Variants in FGF1 observed in about 807,000 individuals in gnomAD.
FGF1 encodes beta-endothelial cell growth factor.
FGF1 carries 9 observed loss-of-function variants against 13.4 expected under a neutral mutation model. The observed-to-expected ratio is 0.67, with a 90% CI of 0.40 to 1.17. The LOEUF (loss-of-function observed/expected upper bound fraction) is 1.17, where lower values mean the gene tolerates loss of function less well. Among genes scored for constraint, FGF1 ranks in the 50% most tolerant of loss-of-function variants. FGF1 has a pLI of 0.01. For missense variants in FGF1, 156 were observed against 192.7 expected, an observed-to-expected ratio of 0.81 and a Z score of 1.13; for synonymous variants, 93 against 79.0, an observed-to-expected ratio of 1.18 and a Z score of -0.94.
chr5:142,603,643 T>C (rs980972823), intron 2 of FGF1, among the ~76,000 whole-genome samples: 4 of 152,132 alleles, frequency 2.6e-5, no homozygotes, highest in Non-Finnish European at 4.4e-5. Flanking sequence ...TGGGCTAATA[T>C]TGGCAGAGAT....
intron 1 of FGF1, among the ~76,000 whole-genome samples, chr5:142,665,701 A>T (rs1394765298): frequency 6.6e-6 from 1 of 152,054 alleles, no homozygotes; most frequent in Admixed American, 6.5e-5. Context: ...AATAGCTCAC[A>T]CACTTAGAGC....
intron 3 of FGF1, among the ~76,000 whole-genome samples, chr5:142,596,212 GTAATCACAACACTT>G: frequency 1.3e-5 from 2 of 152,252 alleles, no homozygotes; most frequent in Non-Finnish European, 2.9e-5. Context: ...GCTCATGCCT[GTAATCACAACACTT>G]TGGGAGGCTG....
chr5:142,685,934 A>G (rs918263198), intron 1 of FGF1, 23 bp downstream of exon 1: 15 of 152,090 alleles, frequency 9.9e-5, no homozygotes, highest in African/African-American at 3.6e-4. Context: ...TCTGTTTCCC[A>G]GATCAGATGC....
At chr5:142,606,617 A>G (rs10051247) in intron 2 of FGF1, among the ~76,000 whole-genome samples, 12,267 of 152,212 alleles carry the variant, frequency 0.081, 851 homozygotes, top group East Asian at 0.18. Flanking sequence ...GCGAGATTCC[A>G]TCTCAAGAAA....
At chr5:142,696,740 T>TAG (rs1218918677) in intron 2 of FGF1, among the ~76,000 whole-genome samples, 24 of 152,304 alleles carry the variant, frequency 1.6e-4, no homozygotes, top group African/African-American at 5.5e-4. Context: ...AAAATCCTCT[T>TAG]TTTGCCTAAA....
intron 2 of FGF1, among the ~76,000 whole-genome samples, chr5:142,610,430 G>A (rs560282004): frequency 3.3e-4 from 51 of 152,244 alleles, no homozygotes; most frequent in African/African-American, 1.1e-3. Flanking sequence ...ATAACCCTGA[G>A]GACAGCTGCA....
At chr5:142,697,804 G>C (rs1031985847) in intron 1 of FGF1, 3 of 151,766 alleles carry the variant, frequency 2.0e-5, no homozygotes, top group African/African-American at 4.9e-5. Context: ...TGGAGCGAAG[G>C]CTGTTGGATC....
At chr5:142,642,623 C>G (rs545939563) in intron 1 of FGF1, among the ~76,000 whole-genome samples, 1 of 152,230 alleles carries the variant, frequency 6.6e-6, no homozygotes, top group Non-Finnish European at 1.5e-5. Flanking sequence ...TGAACAACAG[C>G]AGCCACCAAA....
intron 1 of FGF1, among the ~76,000 whole-genome samples, chr5:142,620,591 TA>T (rs1489048958): frequency 6.6e-6 from 1 of 152,024 alleles, no homozygotes; most frequent in Non-Finnish European, 1.5e-5. Flanking sequence ...TCAAAATACA[TA>T]AAACAAAAAT....
At chr5:142,626,963 G>T (rs1192214151) in intron 1 of FGF1, 2 of 152,224 alleles carry the variant, frequency 1.3e-5, no homozygotes, top group Non-Finnish European at 2.9e-5. Flanking sequence ...GTCCCCAGTT[G>T]TCTTCTCTGT....
chr5:142,660,394 G>A (rs956459210), intron 1 of FGF1, among the ~76,000 whole-genome samples: 7 of 152,222 alleles, frequency 4.6e-5, no homozygotes, highest in Non-Finnish European at 1.0e-4. Context: ...AGTTGGGGCC[G>A]CTGGTCTCTC....
At chr5:142,682,462 C>T (rs1773893208) in intron 1 of FGF1, among the ~76,000 whole-genome samples, 1 of 151,978 alleles carries the variant, frequency 6.6e-6, no homozygotes, top group Non-Finnish European at 1.5e-5. Flanking sequence ...TGAGCTAGAC[C>T]CTGTGCTGAT....
rs1338639206 is a variant in FGF1, at chr5:142,618,924, GTTTTGTTTTTTTTT to G, written c.-34-4777_-34-4764del. Among the ~76,000 whole-genome samples the G allele has an allele frequency of 4.9e-3, 382 of 78,328 alleles. 27 individuals are homozygous for G. The East Asian group carries it at 0.14, about 28-fold the overall frequency. 51.4% of individuals were successfully genotyped at this position (78,328 alleles called of 152,430 possible). A position where few individuals can be genotyped will look rare whatever the true frequency, so the allele number is the denominator to read the frequency against. ...AAACACTGACATTTATTTTTTAGTT[GTTTTGTTTTTTTTT>G]TTTTTTTTTTTTTTGAGACGGAGTC... On this transcript the variant is annotated intron_variant, in intron 1 of 3. Transcript: ENST00000337706.
intron 1 of FGF1, chr5:142,697,850 G>A (rs1467571781): frequency 6.6e-6 from 1 of 152,276 alleles, no homozygotes; most frequent in African/African-American, 2.4e-5. Context: ...TTTCTGGTAT[G>A]AATGGAGCTC....
intron 1 of FGF1, among the ~76,000 whole-genome samples, chr5:142,666,023 C>T (rs1251383664): frequency 6.6e-6 from 1 of 152,140 alleles, no homozygotes; most frequent in Non-Finnish European, 1.5e-5. Context: ...CCTGCTCCAC[C>T]ACCCAGGGTC....
At chr5:142,648,814 C>T (rs149460299) in intron 1 of FGF1, among the ~76,000 whole-genome samples, 84 of 150,130 alleles carry the variant, frequency 5.6e-4, no homozygotes, top group Admixed American at 2.3e-3. Context: ...AGGGACTGAA[C>T]GGTTTGAAGA....
chr5:142,598,849 T>C (rs532172062), intron 3 of FGF1, among the ~76,000 whole-genome samples: 4 of 152,182 alleles, frequency 2.6e-5, no homozygotes, highest in Non-Finnish European at 5.9e-5. Context: ...GAAATTAGAT[T>C]CTGGGAGTTC....
chr5:142,662,232 C>CTATA (rs1275746023), intron 1 of FGF1, among the ~76,000 whole-genome samples: 1 of 152,130 alleles, frequency 6.6e-6, no homozygotes, highest in East Asian at 1.9e-4. Context: ...AGCCATTGAA[C>CTATA]TATACACTTT....
chr5:142,667,457 G>C (rs954692057), intron 1 of FGF1, among the ~76,000 whole-genome samples: 7 of 151,438 alleles, frequency 4.6e-5, no homozygotes, highest in Admixed American at 6.6e-5. Context: ...GCGGTGGCGG[G>C]CGCCTGTAGT....
Sources: allele counts gnomAD v4.1 joint callset (sites outside exome capture counted in the v4.1 genomes callset), GRCh38; gene constraint gnomAD v4.1.1; transcripts MANE v1.5; gene names NCBI Gene and HGNC (gene_info 2026-07-23, HGNC 2026-07-21).